TNNI3K: variants seen among roughly 807,000 people sequenced by gnomAD.
The protein encoded by TNNI3K is serine/threonine-protein kinase TNNI3K.
In TNNI3K, 140 loss-of-function variants were observed where a neutral mutation model predicts 114.5. That is an observed-to-expected ratio of 1.22 (90% CI 1.07 to 1.41). The LOEUF is 1.41. TNNI3K is among the 40% of genes most tolerant of loss of function. The pLI is 0.00. For missense variants in TNNI3K, 1,125 were observed against 1,007.6 expected (o/e 1.12, Z -1.58); for synonymous variants, 347 against 347.5 (o/e 1.00, Z 0.02).
chr1:74,285,021 C>T (rs1411946862), intron 5 of TNNI3K, among the ~76,000 whole-genome samples: 1 of 152,214 alleles, frequency 6.6e-6, no homozygotes, highest in Non-Finnish European at 1.5e-5. Flanking sequence ...AATGGATACA[C>T]ATTTTTTGTT....
At position 74,461,919 on chromosome 1, in the gene TNNI3K, G is replaced by A. The variant is rs76677358; in HGVS notation, c.2012-1522G>A. 3.6e-3 allele frequency among the ~76,000 whole-genome samples: 541 copies of A among 152,250 alleles called. 13 individuals carry two copies. The highest frequency in any genetic ancestry group is 0.025 in the Admixed American group (383 of 15,300). ...ATTCGGAAATGATTAAAAACTAAAT[G>A]CAGAGTCATTAAAATATGTTAACAT... is the stretch of plus-strand genomic sequence containing the variant. On this transcript the variant is annotated intron_variant, in intron 20 of 24. Transcript: ENST00000326637.
intron 20 of TNNI3K, among the ~76,000 whole-genome samples, chr1:74,461,444 C>T (rs1241155717): frequency 6.7e-6 from 1 of 149,656 alleles, no homozygotes; most frequent in Non-Finnish European, 1.5e-5. Flanking sequence ...CATGCCACTG[C>T]ACTCCAGCCT....
chr1:74,314,490 T>A (rs1659189316), intron 5 of TNNI3K, among the ~76,000 whole-genome samples: 2 of 152,044 alleles, frequency 1.3e-5, no homozygotes, highest in South Asian at 2.1e-4. Flanking sequence ...ACAGGCTACA[T>A]AATTTTCAGA....
At chr1:74,342,326 A>G (rs1406848951) in intron 7 of TNNI3K, among the ~76,000 whole-genome samples, 3 of 152,106 alleles carry the variant, frequency 2.0e-5, no homozygotes, top group Non-Finnish European at 4.4e-5. Flanking sequence ...TCATGATACC[A>G]TGCTTTGCAT....
At chr1:74,291,505 C>T (rs74093650) in intron 5 of TNNI3K, among the ~76,000 whole-genome samples, 1,744 of 151,458 alleles carry the variant, frequency 0.012, 41 homozygotes, top group African/African-American at 0.04. Context: ...TATCATTATT[C>T]GTTTCATTTT....
intron 21 of TNNI3K, among the ~76,000 whole-genome samples, chr1:74,488,642 C>A (rs1323481025): frequency 6.6e-6 from 1 of 152,072 alleles, no homozygotes; most frequent in Non-Finnish European, 1.5e-5. Context: ...TCGTCTGACA[C>A]AGAGGTTCAT....
chr1:74,422,053 G>A (rs1665425915), intron 17 of TNNI3K, among the ~76,000 whole-genome samples: 1 of 151,066 alleles, frequency 6.6e-6, no homozygotes, highest in Non-Finnish European at 1.5e-5. Context: ...TCATAATAAA[G>A]GGCATTTTAA....
chr1:74,342,780 T>C, intron 7 of TNNI3K, 62 bp from the exon 8 acceptor site: 1 of 1,589,906 alleles, frequency 6.3e-7, no homozygotes, highest in Non-Finnish European at 8.6e-7. Context: ...ATACTATACA[T>C]ATGAAGGTTG....
At chr1:74,481,793 A>T (rs187762393) in intron 21 of TNNI3K, among the ~76,000 whole-genome samples, 1 of 152,330 alleles carries the variant, frequency 6.6e-6, no homozygotes, top group East Asian at 1.9e-4. Context: ...CATCTTTATC[A>T]TGCTAACATT....
intron 20 of TNNI3K, among the ~76,000 whole-genome samples, chr1:74,441,370 C>T (rs1666367790): frequency 6.6e-6 from 1 of 152,098 alleles, no homozygotes; most frequent in Non-Finnish European, 1.5e-5. Flanking sequence ...TTCTTTTTCA[C>T]TACTTTGTAA....
chr1:74,541,876 C>G (rs1320474013), intron 24 of TNNI3K, among the ~76,000 whole-genome samples: 2 of 152,198 alleles, frequency 1.3e-5, no homozygotes, highest in Non-Finnish European at 2.9e-5. Flanking sequence ...TATTCTATTT[C>G]ATAAACTGAT....
chr1:74,497,405 A>G (rs1557607377), intron 23 of TNNI3K, among the ~76,000 whole-genome samples: 1 of 151,550 alleles, frequency 6.6e-6, no homozygotes, highest in East Asian at 1.9e-4. Flanking sequence ...CAATCTTTCT[A>G]TCCTCTCTCC....
intron 4 of TNNI3K, among the ~76,000 whole-genome samples, chr1:74,256,048 A>G (rs1655269999): frequency 6.6e-6 from 1 of 152,198 alleles, no homozygotes; most frequent in South Asian, 2.1e-4. Context: ...TTTGACCATT[A>G]TAAACAAAGC....
At chr1:74,297,824 G>A (rs777631347) in intron 5 of TNNI3K, among the ~76,000 whole-genome samples, 17 of 151,958 alleles carry the variant, frequency 1.1e-4, no homozygotes, top group Non-Finnish European at 1.9e-4. Context: ...AAGTCACATA[G>A]CATCACTTTT....
At chr1:74,282,619 C>T (rs1276548919) in intron 5 of TNNI3K, among the ~76,000 whole-genome samples, 1 of 152,070 alleles carries the variant, frequency 6.6e-6, no homozygotes, top group Admixed American at 6.6e-5. Flanking sequence ...GGCTTCAACA[C>T]GTGAATTTCA....
intron 23 of TNNI3K, among the ~76,000 whole-genome samples, chr1:74,530,714 A>G (rs1460724004): frequency 7.4e-6 from 1 of 135,062 alleles, no homozygotes; most frequent in East Asian, 2.4e-4. Flanking sequence ...GCTACCAAGA[A>G]CTCAAAAAGT....
chr1:74,412,224 T>C (rs759405599), intron 17 of TNNI3K, among the ~76,000 whole-genome samples: 4 of 152,144 alleles, frequency 2.6e-5, no homozygotes, highest in Non-Finnish European at 4.4e-5. Context: ...TTCCAGACTA[T>C]GTAATTAATT....
intron 23 of TNNI3K, among the ~76,000 whole-genome samples, chr1:74,519,928 C>A (rs1307330676): frequency 2.0e-5 from 3 of 152,080 alleles, no homozygotes; most frequent in Non-Finnish European, 4.4e-5. Context: ...GACTGGACAG[C>A]ATGTTCTTAC....
chr1:74,343,159 C>T lies in TNNI3K; in HGVS notation c.912C>T (p.Phe304=). The change falls in exon 9 of 25, where the codon TTC becomes TTT. Residue 304 remains phenylalanine (F), a synonymous_variant. Coordinates refer to ENST00000326637, the MANE Select transcript of TNNI3K (RefSeq NM_015978.3). Reference sequence around the variant, plus strand: ...AAAGTCTGACTAAGGAAAACATCTTCAGTGAAACAGCTTTTCATAGGTAAA... The same window carrying T: ...AAAGTCTGACTAAGGAAAACATCTTTAGTGAAACAGCTTTTCATAGGTAAA... The part of the protein sequence containing the change: ...GTESLTKENI[F]SETAFHSACT... 6.2e-7 allele frequency: 1 copy of T among 1,612,300 alleles called. No homozygotes were observed. The highest frequency in any genetic ancestry group is 8.5e-7 in the Non-Finnish European group (1 of 1,179,290).
Sources: gnomAD v4.1 joint callset for allele counts (sites outside exome capture counted in the v4.1 genomes callset) on GRCh38, gnomAD v4.1.1 for gene constraint, MANE v1.5 for transcripts, NCBI Gene and HGNC (gene_info 2026-07-23, HGNC 2026-07-21) for gene names.